MBD5: variants seen among roughly 807,000 people sequenced by gnomAD.
MBD5 encodes methyl-CpG binding domain protein 5.
Under a neutral mutation model 117.3 loss-of-function variants are expected in MBD5, and 13 were observed. That is an observed-to-expected ratio of 0.11 (90% CI 0.07 to 0.18). The LOEUF is 0.18. Ranked by LOEUF, MBD5 falls within the 10% of genes least tolerant of loss-of-function variation. The pLI is 1.00. For synonymous variants in MBD5, 727 were observed against 766.4 expected (o/e 0.95, Z 0.85); for missense variants, 1,879 against 2,093.8 (o/e 0.90, Z 2.00).
intron 3 of MBD5, among the ~76,000 whole-genome samples, chr2:148,283,492 G>A (rs569298692): frequency 6.6e-6 from 1 of 152,110 alleles, no homozygotes; most frequent in South Asian, 2.1e-4. Context: ...TTAGCAATTC[G>A]AAGCAGAAAT....
chr2:148,149,915 C>G (rs7422926), intron 1 of MBD5, among the ~76,000 whole-genome samples: 1 of 135,910 alleles, frequency 7.4e-6, no homozygotes, highest in Non-Finnish European at 1.6e-5. Flanking sequence ...ATGGTAGTTT[C>G]TTTTGCTGTG....
chr2:148,450,325 A>G (rs1382813630), intron 4 of MBD5, among the ~76,000 whole-genome samples: 3 of 152,360 alleles, frequency 2.0e-5, no homozygotes, highest in Middle Eastern at 3.4e-3. Context: ...GCTGTTAACC[A>G]GTAATGCTAT....
At chr2:148,483,041 T>G (rs1681207595) in intron 8 of MBD5, 69 bp from the exon 9 acceptor site, 1 of 1,541,028 alleles carries the variant, frequency 6.5e-7, no homozygotes, top group African/African-American at 1.4e-5. Flanking sequence ...TAATGCATTT[T>G]TATGCCTAGT....
intron 1 of MBD5, among the ~76,000 whole-genome samples, chr2:148,063,372 G>T (rs10178849): frequency 0.42 from 63,240 of 151,884 alleles, 13,385 homozygotes; most frequent in Middle Eastern, 0.54. Flanking sequence ...ATAGAAGTTG[G>T]GGATCGTTAG....
At chr2:148,185,749 A>G (rs1238255495) in intron 2 of MBD5, among the ~76,000 whole-genome samples, 1 of 152,178 alleles carries the variant, frequency 6.6e-6, no homozygotes, top group African/African-American at 2.4e-5. Flanking sequence ...TAAAAAATGT[A>G]AAAGTAAAAT....
chr2:148,178,557 A>C (rs1012989587), intron 1 of MBD5, 143 bp from the exon 2 acceptor site: 1 of 373,162 alleles, frequency 2.7e-6, no homozygotes, highest in African/African-American at 2.1e-5. Context: ...TTGTTTACAT[A>C]AAATATGTCC....
At chr2:148,143,479 A>T (rs542796738) in intron 1 of MBD5, among the ~76,000 whole-genome samples, 88 of 152,062 alleles carry the variant, frequency 5.8e-4, no homozygotes, top group Middle Eastern at 3.4e-3. Context: ...AATGAAATCA[A>T]TTTTTTTTAA....
intron 1 of MBD5, among the ~76,000 whole-genome samples, chr2:148,037,968 G>A (rs572767978): frequency 1.3e-5 from 2 of 152,036 alleles, no homozygotes; most frequent in Admixed American, 6.5e-5. Context: ...AAGTTGAGTT[G>A]TAAAGCAAAC....
Position 148,468,661 on chromosome 2 carries a change from A to G in MBD5, c.718A>G (p.Arg240Gly), listed in dbSNP as rs767317924. Residue 240 changes from arginine to glycine, a missense_variant, in exon 8 of 14, where the codon AGG becomes GGG. This residue lies in a region of MBD5 where 1,666 missense variants were observed against 1,792.2 expected (regional missense o/e 0.93). Transcript: ENST00000642680. ...QIYGDGSISPRTDPLGSPDVF... is the reference protein window; with the variant it reads ...QIYGDGSISPGTDPLGSPDVF... ...ATATGGAGATGGTTCAATCTCTCCA[A>G]GGACTGACCCACTTGGAAGTCCTGA... is the stretch of plus-strand genomic sequence containing the variant. 9 of 1,613,798 alleles carry G rather than the reference A, an allele frequency of 5.6e-6. No individual in the cohort carries two copies. In the Admixed American group the frequency reaches 1.2e-4, roughly 21 times the overall value.
At chr2:148,341,698 TA>T (rs1702950919) in intron 3 of MBD5, among the ~76,000 whole-genome samples, 1 of 151,992 alleles carries the variant, frequency 6.6e-6, no homozygotes, top group Non-Finnish European at 1.5e-5. Flanking sequence ...GGTTTGAAGT[TA>T]GACTATTTAA....
intron 1 of MBD5, among the ~76,000 whole-genome samples, chr2:148,110,480 C>T (rs1268302787): frequency 6.6e-6 from 1 of 152,070 alleles, no homozygotes; most frequent in Non-Finnish European, 1.5e-5. Context: ...CTTTCAGATT[C>T]TCATCTTGTG....
At chr2:148,255,370 G>C (rs1456612023) in intron 3 of MBD5, among the ~76,000 whole-genome samples, 1 of 152,162 alleles carries the variant, frequency 6.6e-6, no homozygotes, top group Non-Finnish European at 1.5e-5. Context: ...CCAGAGGAGG[G>C]CTCTTTCCCT....
chr2:148,512,274 C>T (rs1471052906), intron 13 of MBD5: 1 of 165,896 alleles, frequency 6.0e-6, no homozygotes, highest in African/African-American at 2.4e-5. Flanking sequence ...GTTGTATTAA[C>T]TGCTCCTCCC....
chr2:148,298,899 G>A (rs1271246162), intron 3 of MBD5, among the ~76,000 whole-genome samples: 3 of 152,160 alleles, frequency 2.0e-5, no homozygotes, highest in African/African-American at 7.2e-5. Flanking sequence ...TACAAGGAAA[G>A]AGAATAAGCA....
intron 3 of MBD5, among the ~76,000 whole-genome samples, chr2:148,307,254 C>G (rs999798954): frequency 2.9e-4 from 44 of 152,128 alleles, no homozygotes; most frequent in African/African-American, 1.1e-3. Context: ...TGAAAACAAA[C>G]AGACTAGAAA....
intron 3 of MBD5, among the ~76,000 whole-genome samples, chr2:148,276,491 A>G (rs1701117469): frequency 6.6e-6 from 1 of 152,202 alleles, no homozygotes; most frequent in African/African-American, 2.4e-5. Flanking sequence ...AAACCATTTA[A>G]GAGTAAATTG....
chr2:148,105,221 C>CT (rs59445751), intron 1 of MBD5, among the ~76,000 whole-genome samples: 51 of 130,048 alleles, frequency 3.9e-4, no homozygotes, highest in African/African-American at 7.5e-4. Flanking sequence ...ACGTTTCTTT[C>CT]TTTTTTTTTT....
At chr2:148,323,464 A>T (rs1251582845) in intron 3 of MBD5, among the ~76,000 whole-genome samples, 2 of 151,998 alleles carry the variant, frequency 1.3e-5, no homozygotes, top group Non-Finnish European at 2.9e-5. Flanking sequence ...TCCCACCAAC[A>T]GTGTAAAAGT....
chr2:148,133,245 A>G (rs1374121794), intron 1 of MBD5, among the ~76,000 whole-genome samples: 1 of 152,184 alleles, frequency 6.6e-6, no homozygotes, highest in Admixed American at 6.5e-5. Context: ...ATATTTTTAG[A>G]GAAATCTTTA....
Sources: gnomAD v4.1 joint callset for allele counts (sites outside exome capture counted in the v4.1 genomes callset) on GRCh38, gnomAD v4.1.1 for gene constraint, gnomAD v4.1.1 regional missense constraint, MANE v1.5 for transcripts, NCBI Gene and HGNC (gene_info 2026-07-23, HGNC 2026-07-21) for gene names.